Variants in HUWE1 observed in about 807,000 individuals in gnomAD.
HUWE1 encodes E3 ubiquitin-protein ligase HUWE1.
In HUWE1, 18 loss-of-function variants were observed where a neutral mutation model predicts 299.4. That is an observed-to-expected ratio of 0.06 (90% CI 0.04 to 0.09). The LOEUF (loss-of-function observed/expected upper bound fraction) is 0.09, where lower values mean the gene tolerates loss of function less well. HUWE1 is among the 10% of genes least tolerant of loss of function. The pLI is 1.00. For synonymous variants in HUWE1, 1,317 were observed against 1,286.1 expected, an observed-to-expected ratio of 1.02 and a Z score of -0.51; for missense variants, 1,832 against 3,462.3, an observed-to-expected ratio of 0.53 and a Z score of 11.82.
Position 53,680,114 on chromosome X carries a change from G to A in HUWE1, c.-90C>T, listed in dbSNP as rs1232191773. On this transcript the variant is annotated 5_prime_UTR_variant, in exon 3 of 84. Transcript: ENST00000262854. ...CCCCACACTGCTCCAACAGCTTCCC[G>A]AACCTTCCTGACCAAGTTGGCCTGC... 45 of 295,189 alleles carry A rather than the reference G, an allele frequency of 1.5e-4. No individual in the cohort carries two copies. The highest frequency in any genetic ancestry group is 1.0e-3 in the African/African-American group (37 of 36,157). 24.3% of individuals were successfully genotyped at this position (295,189 alleles called of 1,213,427 possible). A position where few individuals can be genotyped will look rare whatever the true frequency, so the allele number is the denominator to read the frequency against.
Position 53,533,254 on chromosome X carries a change from C to A in HUWE1, c.*55G>T. 1.3e-6 allele frequency: 1 copy of A among 756,805 alleles called. No homozygotes were observed. The highest frequency in any genetic ancestry group is 2.1e-5 in the African/African-American group (1 of 48,449). 62.4% of individuals were successfully genotyped at this position (756,805 alleles called of 1,213,427 possible). On this transcript the variant is annotated 3_prime_UTR_variant, in exon 84 of 84. Transcript: ENST00000262854. Reference sequence around the variant, plus strand: ...TTTCTGGTTCTTTTTTTAACTCCCCCCTCCCCAGGTCCAACAATGGTAAAA... The same window carrying A: ...TTTCTGGTTCTTTTTTTAACTCCCCACTCCCCAGGTCCAACAATGGTAAAA...
At chrX:53,643,918 G>C (rs2067790077) in intron 7 of HUWE1, among the ~76,000 whole-genome samples, 1 of 111,083 alleles carries the variant, frequency 9.0e-6, no homozygotes, top group Non-Finnish European at 1.9e-5. Flanking sequence ...TCACCTCCCA[G>C]GCTCAAGTGA....
At chrX:53,638,334 C>T (rs375823825) in intron 7 of HUWE1, among the ~76,000 whole-genome samples, 6 of 110,505 alleles carry the variant, frequency 5.4e-5, no homozygotes, top group East Asian at 5.6e-4. Flanking sequence ...AGCGAGACTC[C>T]GTCTCAAAAA....
intron 43 of HUWE1, among the ~76,000 whole-genome samples, chrX:53,577,339 T>A (rs1556959781): frequency 9.1e-6 from 1 of 109,345 alleles, no homozygotes. Context: ...CTCAATTTTC[T>A]CACTCTCCAA....
intron 42 of HUWE1, 80 bp from the exon 43 acceptor site, chrX:53,581,106 A>AGGT: frequency 1.2e-6 from 1 of 839,830 alleles, no homozygotes. Context: ...TACCAAGACT[A>AGGT]AAAGCTTTTG....
At chrX:53,621,148 T>C (rs2066123417) in intron 19 of HUWE1, among the ~76,000 whole-genome samples, 1 of 111,495 alleles carries the variant, frequency 9.0e-6, no homozygotes, top group Non-Finnish European at 1.9e-5. Flanking sequence ...TTGCAGGATA[T>C]GGGATGGCAA....
chrX:53,629,415 A>G, intron 13 of HUWE1, 101 bp downstream of exon 13: 1 of 538,893 alleles, frequency 1.9e-6, no homozygotes, highest in South Asian at 2.4e-5. Flanking sequence ...CTCATTATGT[A>G]TATGCAAATA....
chrX:53,617,052 C>T lies in HUWE1; in HGVS notation c.1875G>A (p.Gln625=), dbSNP rs1557008069. The T allele has an allele frequency of 8.3e-7, 1 of 1,210,237 alleles. No homozygotes were observed. The highest frequency in any genetic ancestry group is 2.2e-5 in the Admixed American group (1 of 46,012). The change falls in exon 21 of 84, where the codon CAG becomes CAA. Residue 625 remains glutamine (Q), a synonymous_variant. Transcript: ENST00000262854. The part of the protein sequence containing the change: ...ARGLQSFVQC[Q]PFERLFKVLL... ...GAACTTTGAAGAGGCGTTCAAAAGGCTGACACTGAACAAAAGACTGAAGAC... is the reference window on the plus strand; with the variant it reads ...GAACTTTGAAGAGGCGTTCAAAAGGTTGACACTGAACAAAAGACTGAAGAC...
At chrX:53,547,123 C>T (rs1420142915) in intron 68 of HUWE1, among the ~76,000 whole-genome samples, 2 of 111,975 alleles carry the variant, frequency 1.8e-5, no homozygotes, top group Non-Finnish European at 3.8e-5. Context: ...AAAAAGAAAC[C>T]CCAGGCATTT....
At chrX:53,567,361 A>G (rs1279236748) in intron 49 of HUWE1, among the ~76,000 whole-genome samples, 5 of 49,236 alleles carry the variant, frequency 1.0e-4, no homozygotes, top group African/African-American at 4.1e-4. Context: ...TGAAGGGGCC[A>G]CATAGGTCAA....
At position 53,549,549 on chromosome X, in the gene HUWE1, A is replaced by T. The variant is rs782251401; in HGVS notation, c.9489-44T>A. The T allele has an allele frequency of 2.6e-5, 28 of 1,088,977 alleles. No homozygotes were observed. The South Asian group carries it at 5.3e-4, about 21-fold the overall frequency. The allele number at this position is 1,088,977 out of a possible 1,213,427, so 89.7% of individuals were successfully genotyped here. A position where few individuals can be genotyped will look rare whatever the true frequency, so the allele number is the denominator to read the frequency against. On this transcript the variant is annotated intron_variant, in intron 66 of 83. Coordinates refer to ENST00000262854, the MANE Select transcript of HUWE1 (RefSeq NM_031407.7). ...TTTTGGGTAACACTTCAGTGGCTAG[A>T]GCTCTGGGATTAGGCATAAGAATGG...
chrX:53,588,621 C>T (rs2063984803), intron 36 of HUWE1, 87 bp from the exon 37 acceptor site: 1 of 902,853 alleles, frequency 1.1e-6, no homozygotes. Flanking sequence ...AAAATACTCC[C>T]TCTGCCTCCA....
chrX:53,657,354 A>G (rs2068795405), intron 3 of HUWE1, among the ~76,000 whole-genome samples: 1 of 111,887 alleles, frequency 8.9e-6, no homozygotes, highest in South Asian at 3.7e-4. Context: ...TGGGCAGATC[A>G]TTTGAGGTAA....
chrX:53,548,108 T>C lies in HUWE1; in HGVS notation c.10201A>G (p.Ser3401Gly). Residue 3401 changes from serine (S) to glycine (G), a missense_variant, in exon 68 of 84, where the codon AGC (serine) becomes GGC (glycine). Transcript: ENST00000262854. Reference protein sequence around the residue: ...LLVKLDNMNVSRKGKNSVKSV... With the variant: ...LLVKLDNMNVGRKGKNSVKSV... The stretch of plus-strand genomic sequence containing the variant: ...TTCACGGAGTTCTTGCCTTTCCGGC[T>C]GACATTCATGTTGTCCAGTTTTACC... 8.3e-7 allele frequency: 1 copy of C among 1,208,512 alleles called. No individual in the cohort carries two copies.
At chrX:53,610,506 G>A (rs1219656949) in intron 23 of HUWE1, among the ~76,000 whole-genome samples, 5 of 112,010 alleles carry the variant, frequency 4.5e-5, no homozygotes, top group Non-Finnish European at 7.5e-5. Context: ...TAAACTTCCT[G>A]TCTCTCTCCC....
At chrX:53,665,496 T>C (rs964196590) in intron 3 of HUWE1, among the ~76,000 whole-genome samples, 1 of 111,811 alleles carries the variant, frequency 8.9e-6, no homozygotes, top group Non-Finnish European at 1.9e-5. Context: ...ATGTTGACTT[T>C]GAACGTGAGA....
intron 35 of HUWE1, among the ~76,000 whole-genome samples, chrX:53,590,142 A>G (rs2064082380): frequency 8.9e-6 from 1 of 112,339 alleles, no homozygotes; most frequent in African/African-American, 3.2e-5. Context: ...TATACAGCCA[A>G]GTTCGGCCTA....
At chrX:53,603,599 T>C (rs1265810901) in intron 26 of HUWE1, 98 bp from the exon 27 acceptor site, 38 of 781,257 alleles carry the variant, frequency 4.9e-5, no homozygotes, top group Non-Finnish European at 6.9e-5. Context: ...GGGTAAGGGA[T>C]TTTTCTTCAT....
intron 29 of HUWE1, among the ~76,000 whole-genome samples, chrX:53,599,413 C>A (rs1336612568): frequency 8.9e-6 from 1 of 111,762 alleles, no homozygotes; most frequent in African/African-American, 3.3e-5. Context: ...AGTTAGGTCT[C>A]CATTTTCCTC....
Sources: allele counts gnomAD v4.1 joint callset (sites outside exome capture counted in the v4.1 genomes callset), GRCh38; gene constraint gnomAD v4.1.1; transcripts MANE v1.5; gene names NCBI Gene and HGNC (gene_info 2026-07-23, HGNC 2026-07-21).